ADAMTSL1: variants seen among roughly 807,000 people sequenced by gnomAD.
ADAMTSL1 encodes ADAMTS like 1, also known as ADAMTS-like protein 1.
In ADAMTSL1, 126 loss-of-function variants were observed where a neutral mutation model predicts 201.8. The observed-to-expected ratio is 0.62, with a 90% CI of 0.54 to 0.72. ADAMTSL1 has a LOEUF of 0.72. ADAMTSL1 is among the 30% of genes least tolerant of loss of function. The pLI is 0.00. For synonymous variants in ADAMTSL1, 1,121 were observed against 903.4 expected (o/e 1.24, Z -4.32); for missense variants, 2,679 against 2,277.8 (o/e 1.18, Z -3.59).
chr9:18,906,405 G>C (rs368074122), intron 27 of ADAMTSL1, among the ~76,000 whole-genome samples: 2 of 152,190 alleles, frequency 1.3e-5, no homozygotes, highest in African/African-American at 4.8e-5. Context: ...CAGCCTGTGA[G>C]ACCAGGCTCT....
intron 2 of ADAMTSL1, among the ~76,000 whole-genome samples, chr9:18,404,782 C>A (rs1818120383): frequency 6.6e-6 from 1 of 152,158 alleles, no homozygotes. Flanking sequence ...GCAAAGGCTC[C>A]CATTACAGAA....
chr9:18,609,720 C>G (rs932907049), intron 4 of ADAMTSL1, among the ~76,000 whole-genome samples: 16 of 152,160 alleles, frequency 1.1e-4, no homozygotes, highest in South Asian at 4.1e-4. Flanking sequence ...ATATCCCCCC[C>G]CTAAAATAAT....
intron 15 of ADAMTSL1, among the ~76,000 whole-genome samples, chr9:18,735,641 A>G (rs1423551755): frequency 6.6e-6 from 1 of 152,112 alleles, no homozygotes; most frequent in Non-Finnish European, 1.5e-5. Context: ...CATGTCAAAC[A>G]TGGGTTACCC....
chr9:18,097,099 C>T (rs1301369574), intron 1 of ADAMTSL1, among the ~76,000 whole-genome samples: 2 of 152,184 alleles, frequency 1.3e-5, no homozygotes, highest in Non-Finnish European at 2.9e-5. Flanking sequence ...TTACCCATCC[C>T]CATTCCAAGC....
chr9:18,375,321 G>A (rs1161602761), intron 2 of ADAMTSL1, among the ~76,000 whole-genome samples: 1 of 152,020 alleles, frequency 6.6e-6, no homozygotes, highest in Non-Finnish European at 1.5e-5. Context: ...ATTACTGGTG[G>A]GCTAATTGCT....
At chr9:18,811,190 AG>A (rs1310017168) in intron 20 of ADAMTSL1, among the ~76,000 whole-genome samples, 1 of 152,150 alleles carries the variant, frequency 6.6e-6, no homozygotes, top group Non-Finnish European at 1.5e-5. Context: ...AAGGCTGAGC[AG>A]GGAGCCTAGA....
chr9:18,574,348 T>G (rs778305838), intron 4 of ADAMTSL1, 82 bp downstream of exon 4: 2 of 1,182,866 alleles, frequency 1.7e-6, no homozygotes, highest in South Asian at 2.5e-5. Flanking sequence ...TCTCACTCTC[T>G]GAATCACTCA....
At chr9:18,530,086 G>C (rs1819347337) in intron 2 of ADAMTSL1, among the ~76,000 whole-genome samples, 1 of 152,084 alleles carries the variant, frequency 6.6e-6, no homozygotes, top group African/African-American at 2.4e-5. Flanking sequence ...GTATTTTTCT[G>C]CTTTGTTTTG....
At chr9:18,380,956 G>A (rs1837533886) in intron 2 of ADAMTSL1, among the ~76,000 whole-genome samples, 1 of 152,188 alleles carries the variant, frequency 6.6e-6, no homozygotes, top group Admixed American at 6.5e-5. Context: ...TGGTCTTGAT[G>A]GAAAACCCCT....
At chr9:18,531,678 T>G (rs1819455806) in intron 2 of ADAMTSL1, among the ~76,000 whole-genome samples, 1 of 152,206 alleles carries the variant, frequency 6.6e-6, no homozygotes. Flanking sequence ...ATGCATTTCT[T>G]ACACCAAATT....
At chr9:17,934,235 C>T (rs1341431629) in intron 1 of ADAMTSL1, among the ~76,000 whole-genome samples, 1 of 152,188 alleles carries the variant, frequency 6.6e-6, no homozygotes, top group Non-Finnish European at 1.5e-5. Flanking sequence ...TAAGGTAATT[C>T]CCCCATAAAC....
chr9:18,390,336 C>G (rs1045687307), intron 2 of ADAMTSL1, among the ~76,000 whole-genome samples: 2 of 152,180 alleles, frequency 1.3e-5, no homozygotes, highest in African/African-American at 4.8e-5. Context: ...ATCTTAACAA[C>G]TAGCACGGTA....
chr9:18,771,046 G>A (rs1052550220), intron 17 of ADAMTSL1, among the ~76,000 whole-genome samples: 2 of 152,074 alleles, frequency 1.3e-5, no homozygotes, highest in Non-Finnish European at 1.5e-5. Context: ...GACCTCATTG[G>A]TGCTGTTTTG....
chr9:18,166,523 G>A (rs975084431), intron 2 of ADAMTSL1, among the ~76,000 whole-genome samples: 7 of 151,914 alleles, frequency 4.6e-5, no homozygotes, highest in African/African-American at 9.7e-5. Context: ...CTGTCACGAC[G>A]TCTCTTCAAG....
At chr9:18,558,700 A>G (rs1308912503) in intron 3 of ADAMTSL1, among the ~76,000 whole-genome samples, 1 of 152,150 alleles carries the variant, frequency 6.6e-6, no homozygotes, top group African/African-American at 2.4e-5. Context: ...AATGTTCACC[A>G]TTCTAACTGG....
At chr9:18,757,885 T>C (rs1285066050) in intron 16 of ADAMTSL1, among the ~76,000 whole-genome samples, 1 of 152,208 alleles carries the variant, frequency 6.6e-6, no homozygotes, top group African/African-American at 2.4e-5. Context: ...TGTCATTTAT[T>C]GAATACTTGC....
chr9:18,017,804 A>G (rs1419959729), intron 1 of ADAMTSL1, among the ~76,000 whole-genome samples: 3 of 151,996 alleles, frequency 2.0e-5, no homozygotes, highest in Admixed American at 6.6e-5. Flanking sequence ...TTAAAATTCT[A>G]TCAGCAAAGA....
At chr9:18,562,345 C>T (rs1821565564) in intron 3 of ADAMTSL1, among the ~76,000 whole-genome samples, 1 of 152,096 alleles carries the variant, frequency 6.6e-6, no homozygotes, top group Non-Finnish European at 1.5e-5. Context: ...GAATATTGGC[C>T]CCCACTCTCT....
In ADAMTSL1 at chr9:18,718,307, A is replaced by G. The variant is rs1314408070; in HGVS notation, c.1877-3229A>G. On this transcript the variant is annotated intron_variant, in intron 14 of 28. Coordinates refer to ENST00000380548, the MANE Select transcript of ADAMTSL1 (RefSeq NM_001040272.6). ...AATAAACTAATGCAAAGCCTTGTCC[A>G]TTTCTCATGTACAAATCCCTCCTTG... is the stretch of plus-strand genomic sequence containing the variant. 1.2e-5 allele frequency: 9 copies of G among 746,626 alleles called. No homozygotes were observed. In the Admixed American group the frequency reaches 1.6e-4, roughly 13 times the overall value. The allele number at this position is 746,626 out of a possible 1,614,324, so 46.3% of individuals were successfully genotyped here. A position where few individuals can be genotyped will look rare whatever the true frequency, so the allele number is the denominator to read the frequency against.
Sources: gnomAD v4.1 joint callset for allele counts (sites outside exome capture counted in the v4.1 genomes callset) on GRCh38, gnomAD v4.1.1 for gene constraint, MANE v1.5 for transcripts, NCBI Gene and HGNC (gene_info 2026-07-23, HGNC 2026-07-21) for gene names.